EPHA7: variants seen among roughly 807,000 people sequenced by gnomAD.
EPHA7 encodes the protein EPH receptor A7.
EPHA7 carries 25 observed loss-of-function variants against 112.6 expected under a neutral mutation model. The ratio of observed to expected loss-of-function variants is 0.22; its 90% CI spans 0.16 to 0.31. The LOEUF (loss-of-function observed/expected upper bound fraction) is 0.31, where lower values mean the gene tolerates loss of function less well. EPHA7 is among the 10% of genes least tolerant of loss of function. The pLI is 1.00. For missense variants in EPHA7, 962 were observed against 1,212.6 expected (o/e 0.79, Z 3.07); for synonymous variants, 437 against 406.5 (o/e 1.07, Z -0.90).
chr6:93,259,232 A>G lies in EPHA7; in HGVS notation c.1924+122T>C, dbSNP rs1402906535. 3 of 1,227,602 alleles carry G rather than the reference A, an allele frequency of 2.4e-6. No homozygotes were observed. The African/African-American group carries it at 4.5e-5, about 19-fold the overall frequency. The allele number at this position is 1,227,602 out of a possible 1,614,324, so 76.0% of individuals were successfully genotyped here. A position where few individuals can be genotyped will look rare whatever the true frequency, so the allele number is the denominator to read the frequency against. On this transcript the variant is annotated intron_variant, in intron 10 of 16. Transcript: ENST00000369303. Reference sequence around the variant, plus strand: ...AACAAGTACAGCCTCACTGCTTCCAACAGTTCAGGTAAATGCAAAAGTTCT... The same window carrying G: ...AACAAGTACAGCCTCACTGCTTCCAGCAGTTCAGGTAAATGCAAAAGTTCT...
chr6:93,403,724 A>G (rs1778547436), intron 3 of EPHA7, among the ~76,000 whole-genome samples: 1 of 151,906 alleles, frequency 6.6e-6, no homozygotes, highest in Admixed American at 6.6e-5. Context: ...ATTTAAATTG[A>G]TATTTTAAGG....
intron 3 of EPHA7, among the ~76,000 whole-genome samples, chr6:93,359,571 G>A (rs1402100552): frequency 6.6e-6 from 1 of 151,758 alleles, no homozygotes; most frequent in African/African-American, 2.4e-5. Flanking sequence ...TGGGTATTAT[G>A]CAAAAAATTA....
intron 5 of EPHA7, among the ~76,000 whole-genome samples, chr6:93,348,881 G>A (rs564149281): frequency 1.0e-4 from 4 of 38,578 alleles, no homozygotes; most frequent in African/African-American, 2.9e-4. Context: ...CAAAGGTACC[G>A]CCATTTTCCC....
intron 5 of EPHA7, among the ~76,000 whole-genome samples, chr6:93,353,746 C>A (rs1401340100): frequency 6.7e-6 from 1 of 150,372 alleles, no homozygotes; most frequent in Non-Finnish European, 1.5e-5. Flanking sequence ...TTTTTTTTTT[C>A]ATGAGGAGTT....
intron 3 of EPHA7, among the ~76,000 whole-genome samples, chr6:93,370,989 C>CA (rs1231694778): frequency 0.046 from 4,119 of 90,006 alleles, 79 homozygotes; most frequent in African/African-American, 0.071. Context: ...ACGAAAAATA[C>CA]AAAAAAAAAA....
intron 3 of EPHA7, among the ~76,000 whole-genome samples, chr6:93,363,581 T>C (rs1174648261): frequency 6.6e-6 from 1 of 152,144 alleles, no homozygotes; most frequent in African/African-American, 2.4e-5. Context: ...GGTGAAAATA[T>C]GGAGGAATTA....
intron 4 of EPHA7, among the ~76,000 whole-genome samples, 198 bp from the exon 5 acceptor site, chr6:93,357,250 A>G (rs928469210): frequency 2.6e-5 from 4 of 152,152 alleles, no homozygotes; most frequent in Non-Finnish European, 5.9e-5. Flanking sequence ...CCTTGAATTC[A>G]CTTGGCAAGA....
At chr6:93,248,506 A>G (rs1562041695) in intron 14 of EPHA7, among the ~76,000 whole-genome samples, 2 of 152,194 alleles carry the variant, frequency 1.3e-5, no homozygotes, top group East Asian at 1.9e-4. Flanking sequence ...AGTTTATTAA[A>G]CTTTTCATCT....
chr6:93,272,388 T>A lies in EPHA7; in HGVS notation c.1359A>T (p.Arg453Ser). 6.2e-7 allele frequency: 1 copy of A among 1,612,122 alleles called. No homozygotes were observed. Among genetic ancestry groups the A allele is most frequent in the Non-Finnish European group, 8.5e-7 (1 of 1,178,608 alleles). Reference sequence around the variant, plus strand: ...AAAGCTCGACACTCCGCTGCAGTACTCTCTCCTTCATTACTCCACTCACTT... The same window carrying A: ...AAAGCTCGACACTCCGCTGCAGTACACTCTCCTTCATTACTCCACTCACTT... ...PSQVSGVMKERVLQRSVELSW... is the reference protein window; with the variant it reads ...PSQVSGVMKESVLQRSVELSW... Residue 453 changes from arginine (R) to serine (S), a missense_variant, in exon 6 of 17, where the codon AGA becomes AGT. Physicochemically the swap from Arg to Ser is moderately radical, Grantham distance 110. Coordinates refer to ENST00000369303, the MANE Select transcript of EPHA7 (RefSeq NM_004440.4).
intron 8 of EPHA7, 144 bp from the exon 9 acceptor site, chr6:93,264,059 G>A (rs3799813): frequency 0.069 from 32,819 of 476,488 alleles, 1,577 homozygotes; most frequent in Admixed American, 0.12. Context: ...ATAATATAGC[G>A]ATTCACGATT....
chr6:93,323,106 T>G (rs969846386), intron 5 of EPHA7, among the ~76,000 whole-genome samples: 1 of 150,772 alleles, frequency 6.6e-6, no homozygotes, highest in Admixed American at 6.6e-5. Flanking sequence ...ATGCATAACA[T>G]AGAATTTTTT....
At chr6:93,299,328 AAAAATAAAAT>A (rs559885595) in intron 5 of EPHA7, among the ~76,000 whole-genome samples, 5 of 151,582 alleles carry the variant, frequency 3.3e-5, no homozygotes, top group African/African-American at 1.2e-4. Flanking sequence ...TCCGTCTCAA[AAAAATAAAAT>A]AAAATAAAAT....
chr6:93,353,421 A>G (rs1458497538), intron 5 of EPHA7, among the ~76,000 whole-genome samples: 1 of 152,170 alleles, frequency 6.6e-6, no homozygotes, highest in East Asian at 1.9e-4. Context: ...AACCTCTATC[A>G]TAAGATAATT....
At chr6:93,363,861 C>T (rs753983684) in intron 3 of EPHA7, among the ~76,000 whole-genome samples, 19 of 152,108 alleles carry the variant, frequency 1.2e-4, no homozygotes, top group Admixed American at 3.9e-4. Context: ...ATATAATCCA[C>T]CAATTAAAAG....
At chr6:93,369,534 A>T (rs1254565307) in intron 3 of EPHA7, among the ~76,000 whole-genome samples, 1 of 152,170 alleles carries the variant, frequency 6.6e-6, no homozygotes, top group African/African-American at 2.4e-5. Flanking sequence ...AGCAACATCC[A>T]TTCTTCATGA....
At chr6:93,249,798 A>G (rs1446429065) in intron 14 of EPHA7, among the ~76,000 whole-genome samples, 1 of 152,150 alleles carries the variant, frequency 6.6e-6, no homozygotes, top group African/African-American at 2.4e-5. Context: ...TGCCCTCTTG[A>G]CATAATACTT....
chr6:93,318,745 A>C (rs1773927294), intron 5 of EPHA7, among the ~76,000 whole-genome samples: 2 of 152,084 alleles, frequency 1.3e-5, no homozygotes, highest in African/African-American at 4.8e-5. Context: ...ACAAAGATTT[A>C]AAAGAAGGCA....
At chr6:93,313,183 G>A (rs1773629957) in intron 5 of EPHA7, among the ~76,000 whole-genome samples, 1 of 152,144 alleles carries the variant, frequency 6.6e-6, no homozygotes, top group Non-Finnish European at 1.5e-5. Flanking sequence ...CGTAAAAAAT[G>A]CGATATCTGC....
chr6:93,401,203 A>C (rs776878337), intron 3 of EPHA7, among the ~76,000 whole-genome samples: 1 of 152,110 alleles, frequency 6.6e-6, no homozygotes, highest in South Asian at 2.1e-4. Flanking sequence ...GCAGTAAATA[A>C]CTTAAATGAC....
Sources: gnomAD v4.1 joint callset for allele counts (sites outside exome capture counted in the v4.1 genomes callset) on GRCh38, gnomAD v4.1.1 for gene constraint, MANE v1.5 for transcripts, NCBI Gene and HGNC (gene_info 2026-07-23, HGNC 2026-07-21) for gene names.